Variants in ABCC4 observed in about 807,000 individuals in gnomAD.
ABCC4 encodes ATP-binding cassette sub-family C member 4.
A neutral mutation model predicts 168.5 loss-of-function variants in ABCC4; 102 were observed. The ratio of observed to expected loss-of-function variants is 0.61; its 90% CI spans 0.52 to 0.71. ABCC4 has a LOEUF of 0.71. ABCC4 is among the 30% of genes least tolerant of loss of function. The pLI is 0.00. For synonymous variants in ABCC4, 617 were observed against 590.7 expected, an observed-to-expected ratio of 1.04 and a Z score of -0.65; for missense variants, 1,402 against 1,605.8, an observed-to-expected ratio of 0.87 and a Z score of 2.17.
intron 19 of ABCC4, among the ~76,000 whole-genome samples, chr13:95,160,124 T>C (rs1357213369): frequency 6.6e-6 from 1 of 152,236 alleles, no homozygotes; most frequent in Non-Finnish European, 1.5e-5. Flanking sequence ...TAATCAGCTA[T>C]AACAATTAGT....
At chr13:95,222,178 T>C (rs1041893389) in intron 4 of ABCC4, among the ~76,000 whole-genome samples, 1 of 151,972 alleles carries the variant, frequency 6.6e-6, no homozygotes, top group Non-Finnish European at 1.5e-5. Flanking sequence ...CCACACCCTA[T>C]ACTGTACACT....
At chr13:95,094,335 C>T (rs904807942) in intron 20 of ABCC4, among the ~76,000 whole-genome samples, 3 of 152,034 alleles carry the variant, frequency 2.0e-5, no homozygotes, top group African/African-American at 4.8e-5. Flanking sequence ...AATAGGCACA[C>T]AGACCAATGG....
chr13:95,034,274 A>AT (rs2032022047), intron 30 of ABCC4, among the ~76,000 whole-genome samples: 2 of 152,230 alleles, frequency 1.3e-5, no homozygotes, highest in African/African-American at 4.8e-5. Context: ...TATGAGTACT[A>AT]TGTGCTCTAT....
intron 19 of ABCC4, among the ~76,000 whole-genome samples, chr13:95,159,129 A>ATG (rs1419768192): frequency 1.3e-4 from 17 of 129,510 alleles, no homozygotes; most frequent in African/African-American, 4.5e-4. Flanking sequence ...ATATATATAT[A>ATG]TATAACTATT....
intron 4 of ABCC4, among the ~76,000 whole-genome samples, chr13:95,212,172 C>G (rs200922000): frequency 8.1e-6 from 1 of 123,182 alleles, no homozygotes; most frequent in Non-Finnish European, 1.7e-5. Flanking sequence ...GAGACTGTCT[C>G]AAAAAAAAAA....
chr13:95,177,091 T>A (rs140558599), intron 13 of ABCC4, among the ~76,000 whole-genome samples: 63 of 152,362 alleles, frequency 4.1e-4, no homozygotes, highest in Non-Finnish European at 7.8e-4. Flanking sequence ...GTTTTAAGTG[T>A]TCACTCTGGT....
intron 4 of ABCC4, among the ~76,000 whole-genome samples, chr13:95,231,262 T>C (rs2039614075): frequency 6.6e-6 from 1 of 152,154 alleles, no homozygotes; most frequent in Non-Finnish European, 1.5e-5. Context: ...ACTGTACACT[T>C]AAAAAGAGTT....
chr13:95,079,168 C>T (rs1335550684), intron 21 of ABCC4, among the ~76,000 whole-genome samples: 1 of 152,142 alleles, frequency 6.6e-6, no homozygotes. Flanking sequence ...TAACTAGTAC[C>T]GAGGGAGAGC....
At chr13:95,159,332 T>A (rs1297633045) in intron 19 of ABCC4, among the ~76,000 whole-genome samples, 1 of 151,756 alleles carries the variant, frequency 6.6e-6, no homozygotes, top group African/African-American at 2.4e-5. Context: ...TCTAAACATT[T>A]TGGACAAAGT....
chr13:95,209,683 G>C (rs896735103), intron 5 of ABCC4, 86 bp from the exon 6 acceptor site: 67 of 1,281,806 alleles, frequency 5.2e-5, no homozygotes, highest in Non-Finnish European at 7.1e-5. Flanking sequence ...CACTGGAAAA[G>C]AACAGGCAAG....
chr13:95,151,151 G>A (rs1330216664), intron 19 of ABCC4, among the ~76,000 whole-genome samples: 1 of 152,122 alleles, frequency 6.6e-6, no homozygotes, highest in African/African-American at 2.4e-5. Context: ...TTTTTGATAT[G>A]AGATCATAGA....
intron 4 of ABCC4, among the ~76,000 whole-genome samples, chr13:95,228,792 GCTCACAC>G (rs2039539588): frequency 6.6e-6 from 1 of 151,558 alleles, no homozygotes; most frequent in South Asian, 2.1e-4. Flanking sequence ...AGGAGTGGTG[GCTCACAC>G]CTGTAATCCT....
intron 20 of ABCC4, among the ~76,000 whole-genome samples, chr13:95,087,700 C>T (rs1191490728): frequency 3.3e-5 from 5 of 152,206 alleles, no homozygotes; most frequent in East Asian, 1.9e-4. Context: ...ATGGAAGACA[C>T]TTAAATGTAA....
chr13:95,103,538 T>G (rs1056277675), intron 20 of ABCC4, among the ~76,000 whole-genome samples: 9 of 152,178 alleles, frequency 5.9e-5, no homozygotes, highest in Non-Finnish European at 1.2e-4. Context: ...TAACTGGCCT[T>G]CTACTGGGAC....
At chr13:95,207,999 G>A in intron 6 of ABCC4, 74 bp from the exon 7 acceptor site, 1 of 1,542,690 alleles carries the variant, frequency 6.5e-7, no homozygotes, top group Non-Finnish European at 8.7e-7. Flanking sequence ...GCACAGGCAG[G>A]GACCTGCATC....
intron 1 of ABCC4, among the ~76,000 whole-genome samples, chr13:95,275,793 C>T (rs907679105): frequency 4.7e-5 from 7 of 149,902 alleles, no homozygotes; most frequent in African/African-American, 1.7e-4. Flanking sequence ...CTGTCTAAAA[C>T]TGTTAACACT....
At chr13:95,210,518 G>A (rs993846403) in intron 5 of ABCC4, among the ~76,000 whole-genome samples, 174 bp downstream of exon 5, 6 of 152,174 alleles carry the variant, frequency 3.9e-5, no homozygotes, top group Non-Finnish European at 7.3e-5. Context: ...TAATCAGGAG[G>A]CTGAGACAGG....
At chr13:95,063,295 C>A (rs1594033889) in intron 25 of ABCC4, among the ~76,000 whole-genome samples, 1 of 152,160 alleles carries the variant, frequency 6.6e-6, no homozygotes, top group African/African-American at 2.4e-5. Context: ...GCTTTGCTTG[C>A]AGGATCTGAG....
chr13:95,286,956 C>CAAAA (rs34188007), intron 1 of ABCC4, among the ~76,000 whole-genome samples: 1 of 118,842 alleles, frequency 8.4e-6, no homozygotes, highest in South Asian at 2.9e-4. Flanking sequence ...AACTCTGTCT[C>CAAAA]AAAAAAAAAA....
Sources: gnomAD v4.1 joint callset for allele counts (sites outside exome capture counted in the v4.1 genomes callset) on GRCh38, gnomAD v4.1.1 for gene constraint, MANE v1.5 for transcripts, NCBI Gene and HGNC (gene_info 2026-07-23, HGNC 2026-07-21) for gene names.